Variants in DCUN1D4 observed in about 807,000 individuals in gnomAD.
DCUN1D4 encodes DCN1-like protein 4.
In DCUN1D4, 22 loss-of-function variants were observed where a neutral mutation model predicts 47.9. The observed-to-expected ratio is 0.46, with a 90% CI of 0.33 to 0.66. The LOEUF is 0.66. DCUN1D4 is among the 30% of genes least tolerant of loss of function. The pLI, the probability that DCUN1D4 is intolerant of heterozygous loss-of-function variation, is 0.02. For missense variants in DCUN1D4, 301 were observed against 340.8 expected, an observed-to-expected ratio of 0.88 and a Z score of 0.92; for synonymous variants, 121 against 112.2, an observed-to-expected ratio of 1.08 and a Z score of -0.50.
intron 1 of DCUN1D4, among the ~76,000 whole-genome samples, chr4:51,845,852 A>G (rs1487279251): frequency 2.0e-5 from 3 of 152,168 alleles, no homozygotes; most frequent in Non-Finnish European, 4.4e-5. Flanking sequence ...AAAATTGGGC[A>G]ATGTGTGTGG....
intron 1 of DCUN1D4, among the ~76,000 whole-genome samples, chr4:51,861,984 T>C (rs949092956): frequency 9.2e-5 from 14 of 152,232 alleles, no homozygotes; most frequent in Admixed American, 2.6e-4. Flanking sequence ...TCTAAACCTC[T>C]GTGCAGTCGT....
intron 1 of DCUN1D4, among the ~76,000 whole-genome samples, chr4:51,856,949 T>G (rs1199829582): frequency 6.6e-6 from 1 of 152,222 alleles, no homozygotes; most frequent in African/African-American, 2.4e-5. Flanking sequence ...TCTGGCTGTT[T>G]ATTTGAGCAC....
chr4:51,860,468 C>G (rs1724869944), intron 1 of DCUN1D4: 1 of 396,340 alleles, frequency 2.5e-6, no homozygotes, highest in African/African-American at 2.1e-5. Context: ...GCCATTCTTG[C>G]ATTACTATAA....
chr4:51,856,053 CA>C (rs1724091021), intron 1 of DCUN1D4, among the ~76,000 whole-genome samples: 1 of 152,198 alleles, frequency 6.6e-6, no homozygotes, highest in Non-Finnish European at 1.5e-5. Context: ...GTTAGAGAGG[CA>C]GATCCCTATA....
intron 6 of DCUN1D4, 79 bp from the exon 7 acceptor site, chr4:51,891,681 A>G: frequency 7.0e-6 from 8 of 1,141,700 alleles, no homozygotes; most frequent in Non-Finnish European, 1.3e-6. Context: ...ACGTTAATGT[A>G]TTAATGACAG....
chr4:51,895,805 A>C (rs1341166176), intron 7 of DCUN1D4, among the ~76,000 whole-genome samples: 1 of 152,190 alleles, frequency 6.6e-6, no homozygotes, highest in Admixed American at 6.5e-5. Flanking sequence ...TGTGTTGGGA[A>C]ATGGTGTTCC....
chr4:51,852,264 T>C (rs1054956422), intron 1 of DCUN1D4, among the ~76,000 whole-genome samples: 1 of 152,244 alleles, frequency 6.6e-6, no homozygotes, highest in Non-Finnish European at 1.5e-5. Context: ...TTTCATACTC[T>C]TAACTAATGA....
rs1727344628 is a variant in DCUN1D4 at position 51,874,285 on chromosome 4, T to G, written c.151T>G (p.Cys51Gly). 1.2e-6 allele frequency: 2 copies of G among 1,611,412 alleles called. No homozygotes were observed. Among genetic ancestry groups the G allele is most frequent in the Admixed American group, 1.7e-5 (1 of 59,366 alleles). The change falls in exon 4 of 11, where the codon TGC (cysteine) becomes GGC (glycine). Residue 51 changes from cysteine (C) to glycine (G), a missense_variant. Cys to Gly is a radical substitution (Grantham distance 159). Transcript: ENST00000334635. ...TTGTTTTGTAGGAAGTCTGCGGTCT[T>G]GCAGTTCTTCAGACTGCTTTAATAA... ...DDHQTGSLRS[C>G]SSSDCFNKVM... is the part of the protein sequence containing the mutation.
intron 5 of DCUN1D4, 135 bp from the exon 6 acceptor site, chr4:51,886,433 A>T: frequency 1.5e-6 from 1 of 645,226 alleles, no homozygotes; most frequent in Non-Finnish European, 2.5e-6. Flanking sequence ...ATACTTTTCA[A>T]CTTAGACTTG....
intron 8 of DCUN1D4, chr4:51,910,864 T>C: frequency 1.8e-6 from 1 of 560,194 alleles, no homozygotes; most frequent in Non-Finnish European, 3.1e-6. Context: ...TTTCTCACAG[T>C]AAATTTATAT....
upstream of DCUN1D4, among the ~76,000 whole-genome samples, chr4:51,841,417 C>A (rs140741326): frequency 7.8e-4 from 119 of 152,272 alleles, no homozygotes; most frequent in African/African-American, 2.5e-3. Context: ...ATCTGCCCAA[C>A]AAGCAATCCC....
At chr4:51,864,634 C>T (rs780060594) in intron 3 of DCUN1D4, among the ~76,000 whole-genome samples, 1 of 152,140 alleles carries the variant, frequency 6.6e-6, no homozygotes, top group Non-Finnish European at 1.5e-5. Flanking sequence ...CTCACTGCAT[C>T]TTAACATGGC....
intron 1 of DCUN1D4, chr4:51,844,800 C>T: frequency 3.0e-6 from 3 of 984,454 alleles, no homozygotes; most frequent in Non-Finnish European, 3.6e-6. Flanking sequence ...CGCGGCCGCG[C>T]CCGGCCGCGG....
intron 1 of DCUN1D4, among the ~76,000 whole-genome samples, chr4:51,844,193 A>G (rs980916927): frequency 4.0e-5 from 6 of 148,446 alleles, no homozygotes; most frequent in Admixed American, 1.3e-4. Flanking sequence ...TGTCACGTCC[A>G]GATTCGGTCC....
intron 8 of DCUN1D4, chr4:51,908,874 A>G (rs1272488780): frequency 2.2e-6 from 1 of 456,096 alleles, no homozygotes; most frequent in African/African-American, 2.0e-5. Context: ...AGATGCCACT[A>G]TTCAGATTGT....
rs540784617 is a variant in DCUN1D4, at chr4:51,856,642, G to T, written c.26-6795G>T. On this transcript the variant is annotated intron_variant, in intron 1 of 10. Coordinates refer to ENST00000334635, the MANE Select transcript of DCUN1D4 (RefSeq NM_001040402.3). ...TTGGGAGTTAGAAGATAAGAGTTTT[G>T]CCCAGCTTGGCCATAGCTAGCTCTC... 2.0e-3 allele frequency among the ~76,000 whole-genome samples: 304 copies of T among 152,212 alleles called. 1 individual carries two copies. The highest frequency in any genetic ancestry group is 7.0e-3 in the African/African-American group (289 of 41,522).
chr4:51,882,493 C>T (rs1356906005), intron 5 of DCUN1D4, among the ~76,000 whole-genome samples: 1 of 152,184 alleles, frequency 6.6e-6, no homozygotes, highest in East Asian at 1.9e-4. Flanking sequence ...ACAGGCCGGG[C>T]ACAGTGGCTC....
At chr4:51,844,773 A>G (rs978501338) in intron 1 of DCUN1D4, 1 of 956,204 alleles carries the variant, frequency 1.0e-6, no homozygotes, top group African/African-American at 1.8e-5. Flanking sequence ...GTCCCGCCGA[A>G]TTCTGGGACT....
chr4:51,899,411 C>G lies in DCUN1D4; in HGVS notation c.615+33C>G, dbSNP rs771367052. 8.5e-5 allele frequency: 133 copies of G among 1,567,840 alleles called. No homozygotes were observed. In the South Asian group the frequency reaches 1.5e-3, roughly 18 times the overall value. On this transcript the variant is annotated intron_variant, in intron 8 of 10. Transcript: ENST00000334635. ...CTCTGGAGCCTATCCAGATGTTTCC[C>G]TCTCTTCCCTCCCCTTTTTAAATTG...
Sources: gnomAD v4.1 joint callset for allele counts (sites outside exome capture counted in the v4.1 genomes callset) on GRCh38, gnomAD v4.1.1 for gene constraint, MANE v1.5 for transcripts, NCBI Gene and HGNC (gene_info 2026-07-23, HGNC 2026-07-21) for gene names.